Variants in JAKMIP2 observed in about 807,000 individuals in gnomAD.
The protein encoded by JAKMIP2 is janus kinase and microtubule interacting protein 2.
JAKMIP2 carries 25 observed loss-of-function variants against 115.0 expected under a neutral mutation model. The observed-to-expected ratio is 0.22, with a 90% CI of 0.16 to 0.30. JAKMIP2 has a LOEUF of 0.30. Among genes scored for constraint, JAKMIP2 ranks in the 10% least tolerant of loss-of-function variants. JAKMIP2 has a pLI of 1.00. For synonymous variants in JAKMIP2, 334 were observed against 343.6 expected (o/e 0.97, Z 0.31); for missense variants, 642 against 957.6 (o/e 0.67, Z 4.35).
intron 1 of JAKMIP2, among the ~76,000 whole-genome samples, chr5:147,683,996 T>C (rs1321343781): frequency 6.6e-6 from 1 of 152,194 alleles, no homozygotes; most frequent in East Asian, 1.9e-4. Context: ...TAGGAATAAA[T>C]TACAGAGCAA....
At chr5:147,623,832 G>C in intron 16 of JAKMIP2, 143 bp from the exon 17 acceptor site, 1 of 534,106 alleles carries the variant, frequency 1.9e-6, no homozygotes, top group East Asian at 3.3e-5. Context: ...ACCTTTTTTT[G>C]CTTGTTTGTT....
chr5:147,618,984 G>T (rs1166960104), intron 18 of JAKMIP2, among the ~76,000 whole-genome samples: 1 of 152,026 alleles, frequency 6.6e-6, no homozygotes, highest in African/African-American at 2.4e-5. Context: ...TTTTGGAATT[G>T]GTCTGTTTTT....
chr5:147,636,403 C>G (rs1757616283), intron 11 of JAKMIP2, 119 bp from the exon 12 acceptor site: 1 of 764,982 alleles, frequency 1.3e-6, no homozygotes, highest in Non-Finnish European at 2.2e-6. Flanking sequence ...CTGCCAAAGA[C>G]TGGTAAGTAG....
intron 1 of JAKMIP2, among the ~76,000 whole-genome samples, chr5:147,715,175 G>C (rs1183240226): frequency 2.0e-5 from 3 of 151,894 alleles, no homozygotes; most frequent in Admixed American, 2.0e-4. Flanking sequence ...TAAGTTAATA[G>C]AAGAAATTGA....
intron 20 of JAKMIP2, among the ~76,000 whole-genome samples, chr5:147,608,723 T>A (rs1191611372): frequency 6.6e-6 from 1 of 152,188 alleles, no homozygotes; most frequent in African/African-American, 2.4e-5. Context: ...AAGTCCTGAA[T>A]TTCCTTGTTA....
At chr5:147,705,858 T>C (rs1561549522) in intron 1 of JAKMIP2, among the ~76,000 whole-genome samples, 1 of 152,242 alleles carries the variant, frequency 6.6e-6, no homozygotes, top group Non-Finnish European at 1.5e-5. Context: ...GTGTTTTAAA[T>C]GGACTGTTTT....
chr5:147,720,362 G>A (rs1298443331), intron 1 of JAKMIP2, among the ~76,000 whole-genome samples: 352 of 149,202 alleles, frequency 2.4e-3, no homozygotes, highest in African/African-American at 8.0e-3. Context: ...TCTTTGTGGC[G>A]TTCTCTGTAT....
chr5:147,712,365 C>T (rs1752815880), intron 1 of JAKMIP2, among the ~76,000 whole-genome samples: 1 of 152,118 alleles, frequency 6.6e-6, no homozygotes, highest in East Asian at 1.9e-4. Flanking sequence ...TCTGCATTCA[C>T]TAAATGACAG....
intron 19 of JAKMIP2, among the ~76,000 whole-genome samples, 181 bp downstream of exon 19, chr5:147,617,730 A>G (rs1213451542): frequency 6.6e-6 from 1 of 152,230 alleles, no homozygotes; most frequent in African/African-American, 2.4e-5. Context: ...AGATTGAATT[A>G]TTATAAAACT....
chr5:147,727,196 C>G (rs1417646697), intron 1 of JAKMIP2, among the ~76,000 whole-genome samples: 6 of 152,222 alleles, frequency 3.9e-5, no homozygotes, highest in Non-Finnish European at 8.8e-5. Context: ...TGCTAACCAC[C>G]TCTTTGAAAA....
intron 16 of JAKMIP2, among the ~76,000 whole-genome samples, chr5:147,626,137 G>C (rs1401421587): frequency 1.3e-5 from 2 of 152,144 alleles, no homozygotes; most frequent in East Asian, 3.8e-4. Flanking sequence ...AGAATTACTT[G>C]GATGTAGAAA....
At chr5:147,643,865 G>C (rs574467149) in intron 7 of JAKMIP2, among the ~76,000 whole-genome samples, 193 bp downstream of exon 7, 1 of 152,234 alleles carries the variant, frequency 6.6e-6, no homozygotes, top group Admixed American at 6.5e-5. Context: ...TTAACAAAGG[G>C]TTATAATTTA....
intron 13 of JAKMIP2, 93 bp from the exon 14 acceptor site, chr5:147,631,604 T>C: frequency 1.4e-6 from 1 of 696,750 alleles, no homozygotes; most frequent in Non-Finnish European, 2.3e-6. Flanking sequence ...TTCAGCAGTT[T>C]ATTACTGTCA....
chr5:147,613,607 C>T (rs972186760), intron 19 of JAKMIP2, among the ~76,000 whole-genome samples: 1 of 152,122 alleles, frequency 6.6e-6, no homozygotes, highest in Non-Finnish European at 1.5e-5. Context: ...TCACCACTAT[C>T]TAAATGTCTT....
chr5:147,720,921 C>T lies in JAKMIP2; in HGVS notation c.-148-48967G>A, dbSNP rs1469912651. On this transcript the variant is annotated intron_variant, in intron 1 of 21. Coordinates refer to ENST00000616793, the MANE Select transcript of JAKMIP2 (RefSeq NM_001270941.2). Reference sequence around the variant, plus strand: ...CTGCATTCCTTTGGAGGAGGAGAGGCGCTCTGCTTTTTAGAGTTTCCAGTT... The same window carrying T: ...CTGCATTCCTTTGGAGGAGGAGAGGTGCTCTGCTTTTTAGAGTTTCCAGTT... Among the ~76,000 whole-genome samples the T allele has an allele frequency of 6.0e-4, 91 of 152,258 alleles. 1 individual carries two copies. The South Asian group carries it at 0.011, about 19-fold the overall frequency.
intron 1 of JAKMIP2, among the ~76,000 whole-genome samples, chr5:147,682,694 A>T (rs1163482103): frequency 1.3e-5 from 2 of 152,216 alleles, no homozygotes; most frequent in African/African-American, 4.8e-5. Flanking sequence ...TTCTACAGAG[A>T]CCATTTATAA....
chr5:147,740,757 A>T (rs1338270322), intron 1 of JAKMIP2, among the ~76,000 whole-genome samples: 1 of 152,152 alleles, frequency 6.6e-6, no homozygotes, highest in Non-Finnish European at 1.5e-5. Flanking sequence ...AGTGATTGGC[A>T]CTTAGTATGT....
intron 1 of JAKMIP2, among the ~76,000 whole-genome samples, chr5:147,703,434 G>A (rs961275126): frequency 7.2e-5 from 11 of 152,098 alleles, no homozygotes; most frequent in Admixed American, 5.9e-4. Flanking sequence ...TTGCTGGACT[G>A]GAAGTTGTTC....
intron 12 of JAKMIP2, among the ~76,000 whole-genome samples, chr5:147,635,397 T>TAA (rs140337640): frequency 3.6e-4 from 54 of 151,254 alleles, no homozygotes; most frequent in African/African-American, 1.3e-3. Context: ...AGTATTCATC[T>TAA]AAAAAAAATC....
Sources: gnomAD v4.1 joint callset for allele counts (sites outside exome capture counted in the v4.1 genomes callset) on GRCh38, gnomAD v4.1.1 for gene constraint, MANE v1.5 for transcripts, NCBI Gene and HGNC (gene_info 2026-07-23, HGNC 2026-07-21) for gene names.